The following CNTN5 variants were observed in gnomAD, a reference collection of about 807,000 sequenced individuals.
The protein encoded by CNTN5 is contactin 5.
In CNTN5, 77 loss-of-function variants were observed where a neutral mutation model predicts 129.1. That is an observed-to-expected ratio of 0.60 (90% confidence interval 0.50 to 0.72). CNTN5 has a LOEUF of 0.72. Ranked by LOEUF, CNTN5 falls within the 30% of genes least tolerant of loss-of-function variation. The probability of loss-of-function intolerance (pLI) is 0.00; values close to 1 mark genes in which losing one functional copy is unlikely to be tolerated. For synonymous variants in CNTN5, 509 were observed against 465.6 expected (o/e 1.09, Z -1.20); for missense variants, 1,478 against 1,328.8 (o/e 1.11, Z -1.75).
At chr11:99,750,592 A>G (rs943926123) in intron 3 of CNTN5, among the ~76,000 whole-genome samples, 1 of 152,160 alleles carries the variant, frequency 6.6e-6, no homozygotes, top group Admixed American at 6.5e-5. Flanking sequence ...GGGGAAAAAA[A>G]AAAGATAATA....
At chr11:99,442,315 A>C (rs1943866239) in intron 2 of CNTN5, among the ~76,000 whole-genome samples, 1 of 151,996 alleles carries the variant, frequency 6.6e-6, no homozygotes, top group South Asian at 2.1e-4. Flanking sequence ...GATTACAGGC[A>C]TGTGCCACCA....
chr11:99,378,424 A>G (rs578193142), intron 2 of CNTN5, among the ~76,000 whole-genome samples: 55 of 152,166 alleles, frequency 3.6e-4, no homozygotes, highest in Middle Eastern at 6.8e-3. Context: ...AGTCAGTATC[A>G]CTGTATATGT....
chr11:99,392,895 A>G (rs1234423499), intron 2 of CNTN5, among the ~76,000 whole-genome samples: 4 of 151,930 alleles, frequency 2.6e-5, no homozygotes, highest in Non-Finnish European at 5.9e-5. Flanking sequence ...AAGTAGAAAT[A>G]GCATAGTTAT....
At chr11:100,064,338 G>A (rs577178905) in intron 10 of CNTN5, among the ~76,000 whole-genome samples, 31 of 152,198 alleles carry the variant, frequency 2.0e-4, no homozygotes, top group African/African-American at 7.5e-4. Context: ...TTATAAAAGT[G>A]CTATATAGAT....
intron 6 of CNTN5, among the ~76,000 whole-genome samples, chr11:99,888,012 A>T (rs1463723040): frequency 6.6e-6 from 1 of 151,984 alleles, no homozygotes; most frequent in Non-Finnish European, 1.5e-5. Context: ...TAACCATCAC[A>T]CCTAGGGAGT....
chr11:99,852,595 C>T (rs9804441), intron 6 of CNTN5, among the ~76,000 whole-genome samples: 1 of 152,196 alleles, frequency 6.6e-6, no homozygotes, highest in East Asian at 1.9e-4. Flanking sequence ...TTTTTTAATT[C>T]AAGTACAACC....
intron 7 of CNTN5, among the ~76,000 whole-genome samples, chr11:99,944,372 A>C (rs1950510098): frequency 1.3e-5 from 2 of 152,080 alleles, no homozygotes; most frequent in Admixed American, 1.3e-4. Context: ...TCAAAATAAT[A>C]AGAGCTATTT....
At chr11:99,600,649 A>G (rs1333486125) in intron 3 of CNTN5, among the ~76,000 whole-genome samples, 1 of 152,166 alleles carries the variant, frequency 6.6e-6, no homozygotes. Context: ...CTCTACAACT[A>G]TAATACCAGC....
chr11:99,167,132 T>G (rs1452997699), intron 1 of CNTN5, among the ~76,000 whole-genome samples: 2 of 152,154 alleles, frequency 1.3e-5, no homozygotes, highest in African/African-American at 4.8e-5. Flanking sequence ...ACCATAATTT[T>G]TATAAATAAA....
chr11:99,578,456 G>A (rs572793389), intron 3 of CNTN5, among the ~76,000 whole-genome samples: 1 of 148,324 alleles, frequency 6.7e-6, no homozygotes, highest in Admixed American at 6.8e-5. Flanking sequence ...CAGTGTAAAA[G>A]TGTTCCTATT....
chr11:99,129,570 C>T (rs2135429281), intron 1 of CNTN5, among the ~76,000 whole-genome samples: 1 of 152,258 alleles, frequency 6.6e-6, no homozygotes, highest in Middle Eastern at 3.4e-3. Flanking sequence ...TTTATTTAAC[C>T]TAGCAAGACA....
intron 8 of CNTN5, among the ~76,000 whole-genome samples, chr11:99,964,617 C>A (rs1315347437): frequency 6.7e-6 from 1 of 149,898 alleles, no homozygotes; most frequent in Non-Finnish European, 1.5e-5. Context: ...GTCTAAAATT[C>A]TCTTTTTTTT....
chr11:99,995,767 G>A (rs1939401308), intron 8 of CNTN5, among the ~76,000 whole-genome samples: 1 of 152,122 alleles, frequency 6.6e-6, no homozygotes, highest in Non-Finnish European at 1.5e-5. Flanking sequence ...CACATAGGGG[G>A]CTTCTAAAAA....
intron 9 of CNTN5, among the ~76,000 whole-genome samples, chr11:100,004,305 T>G (rs558656132): frequency 2.2e-4 from 33 of 152,248 alleles, no homozygotes; most frequent in Middle Eastern, 3.4e-3. Flanking sequence ...AAACTTTTTT[T>G]TTGTCTTGTG....
chr11:100,289,031 A>C (rs538608467), intron 18 of CNTN5, among the ~76,000 whole-genome samples: 14 of 151,106 alleles, frequency 9.3e-5, no homozygotes, highest in Middle Eastern at 3.4e-3. Context: ...AATTCCTCGA[A>C]ACATACACTC....
chr11:99,983,513 T>C (rs927795599), intron 8 of CNTN5, among the ~76,000 whole-genome samples: 4 of 151,378 alleles, frequency 2.6e-5, no homozygotes, highest in Non-Finnish European at 5.9e-5. Flanking sequence ...ATTGAAAAGG[T>C]TTGTTATTTT....
At chr11:99,481,225 GA>G (rs1466188123) in intron 2 of CNTN5, among the ~76,000 whole-genome samples, 1 of 151,972 alleles carries the variant, frequency 6.6e-6, no homozygotes, top group Admixed American at 6.6e-5. Flanking sequence ...TTCATCTTTG[GA>G]ATATTACTTT....
intron 2 of CNTN5, among the ~76,000 whole-genome samples, chr11:99,390,915 A>G (rs1941224983): frequency 6.6e-6 from 1 of 152,086 alleles, no homozygotes; most frequent in Admixed American, 6.6e-5. Flanking sequence ...TAGTAAATAA[A>G]ACAACTTTTA....
At chr11:99,912,645 G>GT (rs11424813) in intron 6 of CNTN5, among the ~76,000 whole-genome samples, 59,917 of 142,070 alleles carry the variant, frequency 0.42, 12,631 homozygotes, top group South Asian at 0.54. Flanking sequence ...GTTTTTCATA[G>GT]TTTTTTTTTT....
Sources: gnomAD v4.1 joint callset for allele counts (sites outside exome capture counted in the v4.1 genomes callset) on GRCh38, gnomAD v4.1.1 for gene constraint, MANE v1.5 for transcripts, NCBI Gene and HGNC (gene_info 2026-07-23, HGNC 2026-07-21) for gene names.